The following AKNAD1 variants were observed in gnomAD, a reference collection of about 807,000 sequenced individuals.
AKNAD1 encodes the protein AKNA domain containing 1.
In AKNAD1, 67 loss-of-function variants were observed where a neutral mutation model predicts 90.8. The ratio of observed to expected loss-of-function variants is 0.74; its 90% CI spans 0.61 to 0.90. The LOEUF (loss-of-function observed/expected upper bound fraction) is 0.90. Ranked by LOEUF, AKNAD1 falls within the 40% of genes least tolerant of loss-of-function variation. The pLI, the probability that AKNAD1 is intolerant of heterozygous loss-of-function variation, is 0.00. For missense variants in AKNAD1, 957 were observed against 975.4 expected, an observed-to-expected ratio of 0.98 and a Z score of 0.25; for synonymous variants, 327 against 341.4, an observed-to-expected ratio of 0.96 and a Z score of 0.46.
chr1:108,816,547 G>C (rs1348211374), intron 15 of AKNAD1, among the ~76,000 whole-genome samples: 1 of 152,096 alleles, frequency 6.6e-6, no homozygotes, highest in Non-Finnish European at 1.5e-5. Context: ...AGAGGGTGAG[G>C]TCAGCCGCCA....
At chr1:108,848,356 G>GATTTTATGAGTATTCAAAGTCAT in intron 5 of AKNAD1, among the ~76,000 whole-genome samples, 1 of 152,202 alleles carries the variant, frequency 6.6e-6, no homozygotes, top group Admixed American at 6.5e-5. Flanking sequence ...CTTCAAGGTT[G>GATTTTATGAGTATTCAAAGTCAT]ATTTTATGAG....
chr1:108,823,540 T>A (rs539054570), intron 12 of AKNAD1, 26 bp downstream of exon 12: 10 of 1,613,694 alleles, frequency 6.2e-6, no homozygotes, highest in Non-Finnish European at 8.5e-6. Flanking sequence ...CCCACTCGCC[T>A]TTCTGAGGCC....
At chr1:108,834,204 C>T (rs1193223690) in intron 9 of AKNAD1, among the ~76,000 whole-genome samples, 3 of 152,112 alleles carry the variant, frequency 2.0e-5, no homozygotes, top group Non-Finnish European at 2.9e-5. Flanking sequence ...GCAGGTGATT[C>T]ATAGGCTCGG....
chr1:108,824,235 T>A (rs915266129), intron 11 of AKNAD1, among the ~76,000 whole-genome samples: 1 of 152,204 alleles, frequency 6.6e-6, no homozygotes, highest in African/African-American at 2.4e-5. Flanking sequence ...CTAGAACCTG[T>A]CTGGCAGGCT....
At chr1:108,831,153 C>G (rs1417426930) in intron 9 of AKNAD1, among the ~76,000 whole-genome samples, 1 of 152,174 alleles carries the variant, frequency 6.6e-6, no homozygotes, top group Non-Finnish European at 1.5e-5. Context: ...TAGGGACTGT[C>G]TGGGGGCCTA....
rs760705184 is a variant in AKNAD1 at position 108,845,190 on chromosome 1, G to A, written c.1246-1923C>T. ...ATTGGCTAAAGGGTAGATAAAAAGC[G>A]GCAGGTGTGGCAGATGTTTTACATT... On this transcript the variant is annotated intron_variant, in intron 5 of 15. Transcript: ENST00000370001. Among the ~76,000 whole-genome samples, 203 of 152,146 alleles carry A rather than the reference G, an allele frequency of 1.3e-3. 3 individuals are homozygous for A. Among genetic ancestry groups the A allele is most frequent in the Non-Finnish European group, 5.9e-4 (40 of 68,028 alleles).
At chr1:108,854,690 T>C (rs1664981159) in intron 1 of AKNAD1, among the ~76,000 whole-genome samples, 1 of 152,182 alleles carries the variant, frequency 6.6e-6, no homozygotes, top group Non-Finnish European at 1.5e-5. Flanking sequence ...TTAAAGAGGG[T>C]AACATTTAGT....
intron 3 of AKNAD1, 111 bp from the exon 4 acceptor site, chr1:108,849,171 A>T: frequency 1.9e-6 from 2 of 1,043,390 alleles, no homozygotes; most frequent in Non-Finnish European, 2.7e-6. Flanking sequence ...TATTTTTAAA[A>T]TTTAATTTTT....
chr1:108,823,446 C>G lies in AKNAD1; in HGVS notation c.2091G>C (p.Gln697His). The change falls in exon 13 of 16, where the codon CAG becomes CAC. Residue 697 changes from glutamine to histidine, a missense_variant. By Grantham distance (24) the Gln-to-His change is conservative. Transcript: ENST00000370001. ...EFHYRYNTPG[Q>H]NYSNHSKRGA... ...CTCTTTTGCTATGATTTGAGTAATTCTGTCCTGGAGTGTTGTATCTATAAT... is the reference window on the plus strand; with the variant it reads ...CTCTTTTGCTATGATTTGAGTAATTGTGTCCTGGAGTGTTGTATCTATAAT... The G allele has an allele frequency of 6.2e-7, 1 of 1,614,162 alleles. No homozygotes were observed. Among genetic ancestry groups the G allele is most frequent in the Non-Finnish European group, 8.5e-7 (1 of 1,180,008 alleles).
intron 9 of AKNAD1, among the ~76,000 whole-genome samples, chr1:108,834,072 T>C (rs1431315003): frequency 6.6e-6 from 1 of 152,140 alleles, no homozygotes; most frequent in Non-Finnish European, 1.5e-5. Context: ...ACCCTCAGAA[T>C]TTAAAATGTG....
At chr1:108,838,218 C>A (rs1449982922) in intron 6 of AKNAD1, among the ~76,000 whole-genome samples, 1 of 151,856 alleles carries the variant, frequency 6.6e-6, no homozygotes, top group Non-Finnish European at 1.5e-5. Context: ...TAAAAATTTA[C>A]CTCGTAACAG....
At chr1:108,848,711 T>G (rs377454301) in intron 5 of AKNAD1, 41 bp downstream of exon 5, 39 of 1,534,662 alleles carry the variant, frequency 2.5e-5, no homozygotes, top group Non-Finnish European at 3.5e-5. Context: ...CCAAGCCATA[T>G]TCTCTAATCA....
rs748869383 is a variant in AKNAD1 at position 108,849,626 on chromosome 1, C to T, written c.994-50G>A. 65 of 1,291,812 alleles carry T rather than the reference C, an allele frequency of 5.0e-5. 1 individual carries two copies. In the Admixed American group the frequency reaches 1.1e-3, roughly 22 times the overall value. The allele number at this position is 1,291,812 out of a possible 1,614,324, so 80.0% of individuals were successfully genotyped here. A position where few individuals can be genotyped will look rare whatever the true frequency, so the allele number is the denominator to read the frequency against. ...CGTTACTGTCGATATTGATCAATGACACCACCGTTCAGAATGACCCAACAT... is the reference window on the plus strand; with the variant it reads ...CGTTACTGTCGATATTGATCAATGATACCACCGTTCAGAATGACCCAACAT... On this transcript the variant is annotated intron_variant, in intron 2 of 15. Transcript: ENST00000370001.
At chr1:108,828,613 T>A (rs1664088360) in intron 10 of AKNAD1, among the ~76,000 whole-genome samples, 1 of 151,840 alleles carries the variant, frequency 6.6e-6, no homozygotes, top group East Asian at 2.0e-4. Flanking sequence ...TGGCCTGCTG[T>A]TGGCGGAGAA....
At chr1:108,837,908 C>A (rs573778372) in intron 6 of AKNAD1, among the ~76,000 whole-genome samples, 2 of 152,164 alleles carry the variant, frequency 1.3e-5, no homozygotes, top group South Asian at 4.1e-4. Flanking sequence ...CCATTAGCTG[C>A]GTATCCTTGT....
chr1:108,853,233 C>G (rs1333036557), intron 1 of AKNAD1, among the ~76,000 whole-genome samples: 1 of 151,138 alleles, frequency 6.6e-6, no homozygotes, highest in Non-Finnish European at 1.5e-5. Flanking sequence ...CCAGGTTCAC[C>G]CCATTCTCCT....
chr1:108,855,201 C>T (rs1664994693), intron 1 of AKNAD1, among the ~76,000 whole-genome samples: 2 of 151,808 alleles, frequency 1.3e-5, no homozygotes, highest in Admixed American at 1.3e-4. Flanking sequence ...ATCACGAGGT[C>T]AAGAGATGGA....
Position 108,851,981 on chromosome 1 carries a change from A to G in AKNAD1, c.684T>C (p.Tyr228=). 1 of 1,614,144 alleles carries G rather than the reference A, an allele frequency of 6.2e-7. No individual in the cohort carries two copies. Among genetic ancestry groups the G allele is most frequent in the Non-Finnish European group, 8.5e-7 (1 of 1,180,034 alleles). Residue 228 remains tyrosine (Y), a synonymous_variant, in exon 2 of 16, where the codon TAT becomes TAC. Coordinates refer to ENST00000370001, the MANE Select transcript of AKNAD1 (RefSeq NM_152763.5). ...TKGPGDKQKS[Y]QGQSPQKQQT... Reference sequence around the variant, plus strand: ...GCTGTTTCTGGGGTGACTGCCCTTGATAACTTTTTTGTTTATCACCTGGAC... The same window carrying G: ...GCTGTTTCTGGGGTGACTGCCCTTGGTAACTTTTTTGTTTATCACCTGGAC...
chr1:108,835,078 A>C (rs749380104), intron 7 of AKNAD1, 22 bp from the exon 8 acceptor site: 50 of 1,567,296 alleles, frequency 3.2e-5, no homozygotes, highest in Middle Eastern at 1.7e-4. Flanking sequence ...ACACAGAAAG[A>C]CTTGAATTAG....
Sources: allele counts gnomAD v4.1 joint callset (sites outside exome capture counted in the v4.1 genomes callset), GRCh38; gene constraint gnomAD v4.1.1; transcripts MANE v1.5; gene names NCBI Gene and HGNC (gene_info 2026-07-23, HGNC 2026-07-21).